The following CENPI variants were observed in gnomAD, a reference collection of about 807,000 sequenced individuals.
The protein encoded by CENPI is centromere protein I.
A neutral mutation model predicts 60.4 loss-of-function variants in CENPI; 4 were observed. That is an observed-to-expected ratio of 0.07 (90% confidence interval 0.03 to 0.15). CENPI has a LOEUF of 0.15. Ranked by LOEUF, CENPI falls within the 10% of genes least tolerant of loss-of-function variation. The pLI is 1.00. For missense variants in CENPI, 444 were observed against 534.5 expected (o/e 0.83, Z 1.67); for synonymous variants, 157 against 189.4 (o/e 0.83, Z 1.40).
intron 8 of CENPI, among the ~76,000 whole-genome samples, chrX:101,124,958 G>A (rs17323430): frequency 0.21 from 22,862 of 110,894 alleles, 1,901 homozygotes; most frequent in South Asian, 0.33. Context: ...CTGGCACTCT[G>A]AGACCTGAGC....
chrX:101,136,436 A>G (rs912010583), intron 15 of CENPI, among the ~76,000 whole-genome samples: 3 of 112,122 alleles, frequency 2.7e-5, no homozygotes, highest in African/African-American at 9.7e-5. Context: ...TTGGGAGGTG[A>G]CTAAGGATAA....
At chrX:101,135,486 T>C (rs1362775775) in intron 15 of CENPI, among the ~76,000 whole-genome samples, 3 of 111,916 alleles carry the variant, frequency 2.7e-5, no homozygotes, top group East Asian at 2.8e-4. Context: ...GGTTTGGAAA[T>C]AGGGTTGAAG....
intron 18 of CENPI, 150 bp from the exon 19 acceptor site, chrX:101,147,613 A>T: frequency 4.3e-6 from 2 of 469,421 alleles, no homozygotes; most frequent in South Asian, 7.5e-5. Context: ...AAAAGGATAA[A>T]ATCCTTAACT....
chrX:101,170,855 C>T (rs1019735352), downstream of CENPI, among the ~76,000 whole-genome samples: 3 of 110,688 alleles, frequency 2.7e-5, no homozygotes, highest in Admixed American at 2.9e-4. Flanking sequence ...TGGTCTTGAA[C>T]TCCTGGGCTC....
rs746498873 is a variant in CENPI at position 101,121,802 on chromosome X, CTT to C, written c.687+1035_687+1036del. Among the ~76,000 whole-genome samples the C allele has an allele frequency of 1.2e-3, 98 of 79,571 alleles. No homozygotes were observed. The South Asian group carries it at 0.032, about 26-fold the overall frequency. The allele number at this position is 79,571 out of a possible 115,157, so 69.1% of individuals were successfully genotyped here. ...TTTGTACGGATGTGATCTAGGAAAG[CTT>C]TTTTTTTTTTTTTTTTGAGATGGAG... On this transcript the variant is annotated intron_variant, in intron 8 of 21. Transcript: ENST00000682095.
chrX:101,108,579 C>G (rs2089512751), intron 4 of CENPI, among the ~76,000 whole-genome samples: 1 of 111,140 alleles, frequency 9.0e-6, no homozygotes, highest in Non-Finnish European at 1.9e-5. Context: ...TTCATCACCC[C>G]AAGAAGAAAC....
At position 101,162,979 on chromosome X, in the gene CENPI, C is replaced by G. The variant is rs781038909; in HGVS notation, c.*12C>G. 5 of 1,205,033 alleles carry G rather than the reference C, an allele frequency of 4.1e-6. No homozygotes were observed. In the African/African-American group the frequency reaches 7.0e-5, roughly 17 times the overall value. ...ACAATCAATATTAAATGAATGTTGA[C>G]ATAAACTGAACACACTGGACTAAAC... On this transcript the variant is annotated 3_prime_UTR_variant, in exon 22 of 22. Transcript: ENST00000682095.
At chrX:101,170,804 G>T (rs2090155126), downstream of CENPI, among the ~76,000 whole-genome samples, 1 of 110,316 alleles carries the variant, frequency 9.1e-6, no homozygotes, top group Non-Finnish European at 1.9e-5. Context: ...GCTTATTTTT[G>T]TATTTTTTGT....
chrX:101,127,558 G>A lies in CENPI; in HGVS notation c.967G>A (p.Gly323Arg). ...LNSSSYTKEC[G>R]KKEMSLSDCL... The stretch of plus-strand genomic sequence containing the variant: ...TTCCAGTAGCTACACTAAAGAATGT[G>A]GAAAAAAAGAGATGAGTCTTTCTGA... Residue 323 changes from glycine (G) to arginine (R), a missense_variant, in exon 11 of 22, where the codon GGA becomes AGA. Physicochemically the swap from Gly to Arg is moderately radical, Grantham distance 125. Coordinates refer to ENST00000682095, the MANE Select transcript of CENPI (RefSeq NM_001386188.2). The A allele has an allele frequency of 8.4e-7, 1 of 1,197,162 alleles. No individual in the cohort carries two copies. Among genetic ancestry groups the A allele is most frequent in the Non-Finnish European group, 1.1e-6 (1 of 884,520 alleles).
At chrX:101,172,422 A>G in the CENPI span, among the ~76,000 whole-genome samples, 1 of 111,713 alleles carries the variant, frequency 9.0e-6, no homozygotes, top group Non-Finnish European at 1.9e-5. Context: ...ATGAATGAGT[A>G]AAGTATGCTA....
intron 20 of CENPI, among the ~76,000 whole-genome samples, chrX:101,153,339 G>A (rs771260233): frequency 9.5e-6 from 1 of 105,449 alleles, no homozygotes; most frequent in Non-Finnish European, 1.9e-5. Flanking sequence ...AGCTCAGGAT[G>A]GAGGGCAGTG....
the CENPI span, among the ~76,000 whole-genome samples, chrX:101,179,741 C>T: frequency 1.8e-5 from 2 of 112,130 alleles, no homozygotes; most frequent in Non-Finnish European, 3.8e-5. Context: ...AGGATGGTCT[C>T]GATCTCCTGA....
rs1406493778 is a variant in CENPI at position 101,139,064 on chromosome X, C to G, written c.1471-1602C>G. 3.0e-4 allele frequency among the ~76,000 whole-genome samples: 29 copies of G among 97,011 alleles called. No homozygotes were observed. In the East Asian group the frequency reaches 9.2e-3, roughly 31 times the overall value. The allele number at this position is 97,011 out of a possible 115,157, so 84.2% of individuals were successfully genotyped here. A position where few individuals can be genotyped will look rare whatever the true frequency, so the allele number is the denominator to read the frequency against. ...TCGGCCTCCCAAAGTGCTGGGATTA[C>G]AGACGTGAGCCACCGCGCCCGACCT... On this transcript the variant is annotated intron_variant, in intron 15 of 21. Transcript: ENST00000682095.
At chrX:101,101,021 G>T in intron 2 of CENPI, 37 bp from the exon 3 acceptor site, 1 of 999,659 alleles carries the variant, frequency 1.0e-6, no homozygotes, top group Non-Finnish European at 1.4e-6. Context: ...GGACTGTTTG[G>T]CTGATTAATG....
intron 18 of CENPI, 127 bp downstream of exon 18, chrX:101,146,404 G>A (rs772547350): frequency 2.2e-5 from 15 of 671,662 alleles, no homozygotes; most frequent in Non-Finnish European, 3.2e-5. Context: ...AATGTGGCTT[G>A]CTTTTGGACA....
chrX:101,109,029 A>G (rs2089520544), intron 4 of CENPI, among the ~76,000 whole-genome samples: 1 of 106,622 alleles, frequency 9.4e-6, no homozygotes, highest in South Asian at 4.1e-4. Flanking sequence ...ACTGAATTTT[A>G]CATACTGTTG....
rs868379812 is a variant in CENPI, at chrX:101,159,222, T to C, written c.2095-2306T>C. ...TGTCGCCCAGGCTGGAGTGCAGTGG[T>C]GCGATCTTGGCTCACTGCAAGCTCC... On this transcript the variant is annotated intron_variant, in intron 20 of 21. Coordinates refer to ENST00000682095, the MANE Select transcript of CENPI (RefSeq NM_001386188.2). Among the ~76,000 whole-genome samples, 36 of 109,910 alleles carry C rather than the reference T, an allele frequency of 3.3e-4. No homozygotes were observed. In the South Asian group the frequency reaches 5.6e-3, roughly 17 times the overall value.
intron 3 of CENPI, among the ~76,000 whole-genome samples, chrX:101,101,607 C>G (rs1346911961): frequency 1.8e-5 from 2 of 109,776 alleles, no homozygotes; most frequent in Admixed American, 2.0e-4. Context: ...TGTCAGGCAT[C>G]TACTCTTAGA....
chrX:101,151,660 C>T (rs1019338789), intron 20 of CENPI, among the ~76,000 whole-genome samples: 90 of 109,158 alleles, frequency 8.2e-4, no homozygotes, highest in African/African-American at 2.5e-3. Flanking sequence ...GGGGAAAGCC[C>T]GTCTCTACTA....
Sources: gnomAD v4.1 joint callset for allele counts (sites outside exome capture counted in the v4.1 genomes callset) on GRCh38, gnomAD v4.1.1 for gene constraint, MANE v1.5 for transcripts, NCBI Gene and HGNC (gene_info 2026-07-23, HGNC 2026-07-21) for gene names.